The following VWC2 variants were observed in gnomAD, a reference collection of about 807,000 sequenced individuals.
VWC2 encodes von Willebrand factor C domain containing 2.
In VWC2, 14 loss-of-function variants were observed where a neutral mutation model predicts 29.8. The observed-to-expected ratio is 0.47, with a 90% CI of 0.31 to 0.74. VWC2 has a LOEUF of 0.74. Ranked by LOEUF, VWC2 falls within the 30% of genes least tolerant of loss-of-function variation. VWC2 has a pLI of 0.05. For missense variants in VWC2, 457 were observed against 459.8 expected, an observed-to-expected ratio of 0.99 and a Z score of 0.05; for synonymous variants, 213 against 199.0, an observed-to-expected ratio of 1.07 and a Z score of -0.59.
At chr7:49,890,967 C>CA (rs1422993744) in intron 3 of VWC2, among the ~76,000 whole-genome samples, 1 of 151,322 alleles carries the variant, frequency 6.6e-6, no homozygotes, top group African/African-American at 2.4e-5. Context: ...ATAAAAGGAA[C>CA]AAAAAAAGAT....
chr7:49,788,494 A>G (rs1788353696), intron 2 of VWC2, among the ~76,000 whole-genome samples: 1 of 149,586 alleles, frequency 6.7e-6, no homozygotes, highest in Non-Finnish European at 1.5e-5. Flanking sequence ...GGTGTGTAAG[A>G]CAGTGTGTAT....
At chr7:49,808,167 C>A (rs532098649) in intron 3 of VWC2, among the ~76,000 whole-genome samples, 1 of 152,074 alleles carries the variant, frequency 6.6e-6, no homozygotes, top group African/African-American at 2.4e-5. Flanking sequence ...ATTAACCTGA[C>A]ATAGATTGTG....
intron 3 of VWC2, among the ~76,000 whole-genome samples, chr7:49,849,626 A>G (rs1790094429): frequency 2.6e-5 from 4 of 152,216 alleles, no homozygotes; most frequent in Admixed American, 2.6e-4. Flanking sequence ...TCAGTGTGAG[A>G]ACATGCACCA....
Position 49,775,585 on chromosome 7 carries a change from CGCCTCT to C in VWC2, c.151_156del (p.Ala51_Ser52del). On this transcript the variant is annotated inframe_deletion, in exon 2 of 4. Coordinates refer to ENST00000340652, the MANE Select transcript of VWC2 (RefSeq NM_198570.5). ...AGCCGGGCCAGGAGAAGCGTGAGCACGCCTCTCGGGACGGCCCGGGGCGGGTGAACG... is the reference window on the plus strand; with the variant it reads ...AGCCGGGCCAGGAGAAGCGTGAGCACCGGGACGGCCCGGGGCGGGTGAACG... 1 of 1,538,600 alleles carries C rather than the reference CGCCTCT, an allele frequency of 6.5e-7. No homozygotes were observed. Among genetic ancestry groups the C allele is most frequent in the Non-Finnish European group, 8.7e-7 (1 of 1,144,612 alleles).
chr7:49,832,489 G>A (rs1789557409), intron 3 of VWC2, among the ~76,000 whole-genome samples: 1 of 152,136 alleles, frequency 6.6e-6, no homozygotes, highest in Non-Finnish European at 1.5e-5. Context: ...AAGGACTTAA[G>A]GAAGCAGAAA....
At chr7:49,835,339 TGAA>T (rs1478221178) in intron 3 of VWC2, among the ~76,000 whole-genome samples, 1 of 152,236 alleles carries the variant, frequency 6.6e-6, no homozygotes. Flanking sequence ...ATTCCTCAGA[TGAA>T]GTTTCTTTTC....
At chr7:49,888,318 G>A (rs1791983648) in intron 3 of VWC2, among the ~76,000 whole-genome samples, 1 of 152,086 alleles carries the variant, frequency 6.6e-6, no homozygotes, top group Non-Finnish European at 1.5e-5. Flanking sequence ...TGTCGATTTT[G>A]TTAACTCTGT....
At chr7:49,892,031 A>ATTG (rs1792154268) in intron 3 of VWC2, among the ~76,000 whole-genome samples, 2 of 53,288 alleles carry the variant, frequency 3.8e-5, no homozygotes, top group African/African-American at 1.5e-4. Flanking sequence ...GACAAAGTAG[A>ATTG]TTTTTTTTTT....
chr7:49,894,305 A>T (rs1583774092), intron 3 of VWC2, among the ~76,000 whole-genome samples: 1 of 152,100 alleles, frequency 6.6e-6, no homozygotes, highest in South Asian at 2.1e-4. Flanking sequence ...TATAGATAGC[A>T]CCGCCATGCC....
chr7:49,813,497 T>C (rs1043434010), intron 3 of VWC2, among the ~76,000 whole-genome samples: 1 of 152,192 alleles, frequency 6.6e-6, no homozygotes, highest in Non-Finnish European at 1.5e-5. Context: ...TGAGAGCCAC[T>C]GCTTTCGGGC....
chr7:49,822,614 T>C (rs1789288225), intron 3 of VWC2, among the ~76,000 whole-genome samples: 18 of 152,188 alleles, frequency 1.2e-4, no homozygotes, highest in Admixed American at 1.2e-3. Flanking sequence ...AGTTTTTGTA[T>C]TTTTAGTAGA....
chr7:49,872,191 G>T (rs911683183), intron 3 of VWC2, among the ~76,000 whole-genome samples: 1 of 152,036 alleles, frequency 6.6e-6, no homozygotes, highest in African/African-American at 2.4e-5. Context: ...CAGTTGATTG[G>T]TCACATTTAA....
intron 2 of VWC2, among the ~76,000 whole-genome samples, chr7:49,788,869 TG>T (rs562390232): frequency 1.2e-4 from 17 of 137,690 alleles, no homozygotes; most frequent in African/African-American, 3.3e-4. Flanking sequence ...AGCGTGTGTG[TG>T]GGGGGTGTGA....
In VWC2 at chr7:49,916,544, T is replaced by C. The variant is rs1394123168; in HGVS notation, c.*4359T>C. 1 of 152,242 alleles carries C rather than the reference T, an allele frequency of 6.6e-6. No homozygotes were observed. The highest frequency in any genetic ancestry group is 1.5e-5 in the Non-Finnish European group (1 of 68,040). The allele number at this position is 152,242 out of a possible 1,614,324, so 9.4% of individuals were successfully genotyped here. ...AACATATCATTTAGGAATCATACCA[T>C]AGTTTGCATAATGGTTAATTTTATG... On this transcript the variant is annotated 3_prime_UTR_variant, in exon 4 of 4. Coordinates refer to ENST00000340652, the MANE Select transcript of VWC2 (RefSeq NM_198570.5).
intron 3 of VWC2, 92 bp downstream of exon 3, chr7:49,802,932 A>T (rs1788776869): frequency 6.5e-7 from 1 of 1,543,526 alleles, no homozygotes; most frequent in South Asian, 1.2e-5. Context: ...ACATACGGAT[A>T]CGTGAGTTTC....
intron 3 of VWC2, among the ~76,000 whole-genome samples, chr7:49,891,343 T>C (rs748529532): frequency 6.6e-6 from 1 of 152,098 alleles, no homozygotes; most frequent in Non-Finnish European, 1.5e-5. Context: ...TAAAGCAAAA[T>C]TGGAAAGAAC....
intron 2 of VWC2, among the ~76,000 whole-genome samples, chr7:49,781,001 C>T (rs1788164018): frequency 6.6e-6 from 1 of 152,190 alleles, no homozygotes. Flanking sequence ...AAAGAGAAAG[C>T]TACGGTTATT....
At chr7:49,791,822 C>T (rs1303750238) in intron 2 of VWC2, among the ~76,000 whole-genome samples, 1 of 152,214 alleles carries the variant, frequency 6.6e-6, no homozygotes, top group East Asian at 1.9e-4. Context: ...AACCTCCAGA[C>T]TTTGGCTCTC....
chr7:49,884,276 AC>A (rs1159239144), intron 3 of VWC2, among the ~76,000 whole-genome samples: 3 of 152,242 alleles, frequency 2.0e-5, no homozygotes, highest in Non-Finnish European at 4.4e-5. Flanking sequence ...CTATGGAAAC[AC>A]AGGGGTTCCC....
Sources: gnomAD v4.1 joint callset for allele counts (sites outside exome capture counted in the v4.1 genomes callset) on GRCh38, gnomAD v4.1.1 for gene constraint, MANE v1.5 for transcripts, NCBI Gene and HGNC (gene_info 2026-07-23, HGNC 2026-07-21) for gene names.